Variants in CATSPERE observed in about 807,000 individuals in gnomAD.
CATSPERE encodes the protein cation channel sperm-associated auxiliary subunit epsilon.
Under a neutral mutation model 114.1 loss-of-function variants are expected in CATSPERE, and 93 were observed. The observed-to-expected ratio is 0.81, with a 90% confidence interval of 0.69 to 0.97. The LOEUF is 0.97. CATSPERE is among the 50% of genes least tolerant of loss of function. CATSPERE has a pLI of 0.00. For synonymous variants in CATSPERE, 341 were observed against 384.1 expected (o/e 0.89, Z 1.31); for missense variants, 1,058 against 1,131.6 (o/e 0.93, Z 0.93).
chr1:244,584,099 T>G (rs1350865914), intron 13 of CATSPERE, among the ~76,000 whole-genome samples, 160 bp downstream of exon 13: 1 of 152,178 alleles, frequency 6.6e-6, no homozygotes, highest in African/African-American at 2.4e-5. Flanking sequence ...AAGTTCCATA[T>G]TTATTCTGCA....
At position 244,475,101 on chromosome 1, in the gene CATSPERE, C is replaced by T. The variant is rs192440615; in HGVS notation, c.115-2440C>T. On this transcript the variant is annotated intron_variant, in intron 2 of 21. Coordinates refer to ENST00000366534, the MANE Select transcript of CATSPERE (RefSeq NM_001130957.2). ...CATCCCCAAAGCCCCTTCCCAATGC[C>T]CTTTCATTTGTTTTATAAATTTCTA... is the stretch of plus-strand genomic sequence containing the variant. Among the ~76,000 whole-genome samples the T allele has an allele frequency of 2.6e-3, 399 of 151,972 alleles. 5 individuals are homozygous for T. Among genetic ancestry groups the T allele is most frequent in the Non-Finnish European group, 6.0e-4 (41 of 67,966 alleles).
intron 5 of CATSPERE, among the ~76,000 whole-genome samples, chr1:244,487,179 T>G (rs1671225990): frequency 6.6e-6 from 1 of 151,348 alleles, no homozygotes; most frequent in South Asian, 2.1e-4. Context: ...AGTCACCTGG[T>G]GGGTGGTTCA....
intron 19 of CATSPERE, among the ~76,000 whole-genome samples, chr1:244,615,575 G>A (rs751213181): frequency 1.3e-5 from 2 of 151,492 alleles, no homozygotes; most frequent in Admixed American, 6.6e-5. Flanking sequence ...AGTGAATAAC[G>A]TAAGGAAATG....
chr1:244,552,047 G>A (rs1372604080), intron 8 of CATSPERE, among the ~76,000 whole-genome samples: 1 of 112,810 alleles, frequency 8.9e-6, no homozygotes, highest in Non-Finnish European at 1.7e-5. Flanking sequence ...CTGGGCGACA[G>A]AGAGACACTC....
chr1:244,499,362 T>C (rs1163899375), intron 7 of CATSPERE, among the ~76,000 whole-genome samples: 2 of 152,166 alleles, frequency 1.3e-5, no homozygotes, highest in Non-Finnish European at 2.9e-5. Context: ...TTCAGAGATA[T>C]ATGTACAGAA....
intron 7 of CATSPERE, among the ~76,000 whole-genome samples, chr1:244,516,807 G>A (rs778955829): frequency 6.6e-6 from 1 of 152,068 alleles, no homozygotes; most frequent in Non-Finnish European, 1.5e-5. Flanking sequence ...CAGGCATTGA[G>A]CCACTGCACC....
Position 244,575,033 on chromosome 1 carries a change from C to A in CATSPERE, c.1950+2261C>A, listed in dbSNP as rs770010972. ...GCTCACTTATTCTCTCCCTCTATCTCTCTCTCTCATTTGCGCTGTCTCCCT... is the reference window on the plus strand; with the variant it reads ...GCTCACTTATTCTCTCCCTCTATCTATCTCTCTCATTTGCGCTGTCTCCCT... On this transcript the variant is annotated intron_variant, in intron 11 of 21. Transcript: ENST00000366534. The surrounding 1 kb of genome is among the most constrained non-coding windows in gnomAD (Gnocchi z 4.5). 6.6e-6 allele frequency among the ~76,000 whole-genome samples: 1 copy of A among 150,970 alleles called. No homozygotes were observed. Among genetic ancestry groups the A allele is most frequent in the Non-Finnish European group, 1.5e-5 (1 of 67,726 alleles).
At chr1:244,538,608 A>G (rs1182027806) in intron 8 of CATSPERE, among the ~76,000 whole-genome samples, 2 of 152,196 alleles carry the variant, frequency 1.3e-5, no homozygotes, top group Admixed American at 6.5e-5. Context: ...AAGAAAAGCC[A>G]TATTCAAAGG....
chr1:244,534,387 C>G (rs1042492204), intron 8 of CATSPERE, among the ~76,000 whole-genome samples: 18 of 152,028 alleles, frequency 1.2e-4, no homozygotes, highest in Admixed American at 1.2e-3. Context: ...TCTTTTAGGC[C>G]CATAACTCTT....
chr1:244,639,842 A>G, intron 21 of CATSPERE, 86 bp from the exon 22 acceptor site: 1 of 1,204,632 alleles, frequency 8.3e-7, no homozygotes, highest in South Asian at 1.4e-5. Flanking sequence ...CATAGTAGCT[A>G]GCTATTCAAA....
At chr1:244,591,613 A>G in intron 14 of CATSPERE, 68 bp from the exon 15 acceptor site, 1 of 906,160 alleles carries the variant, frequency 1.1e-6, no homozygotes, top group Non-Finnish European at 1.7e-6. Context: ...ACTGAGTTAA[A>G]TGATTAAATG....
At chr1:244,453,526 C>G (rs1665822795), upstream of CATSPERE, among the ~76,000 whole-genome samples, 1 of 152,172 alleles carries the variant, frequency 6.6e-6, no homozygotes, top group African/African-American at 2.4e-5. Context: ...TCTGGCATTG[C>G]CTTTGTGGCT....
chr1:244,486,940 TG>T (rs1205588904), intron 5 of CATSPERE, among the ~76,000 whole-genome samples: 1 of 146,062 alleles, frequency 6.8e-6, no homozygotes, highest in African/African-American at 2.6e-5. Context: ...CGTAGTCACC[TG>T]GTGGGTGGTC....
At chr1:244,454,370 G>GC (rs1371378300), upstream of CATSPERE, 7 of 152,152 alleles carry the variant, frequency 4.6e-5, no homozygotes, top group Admixed American at 4.6e-4. Context: ...TGTGTGTTTT[G>GC]TTATGTGTGT....
At chr1:244,602,576 G>A (rs761347347) in intron 17 of CATSPERE, among the ~76,000 whole-genome samples, 1 of 152,198 alleles carries the variant, frequency 6.6e-6, no homozygotes, top group Non-Finnish European at 1.5e-5. Context: ...AGCCCTGGGA[G>A]TGTGATCTAG....
chr1:244,463,772 A>T, intron 1 of CATSPERE, 136 bp from the exon 2 acceptor site: 1 of 726,316 alleles, frequency 1.4e-6, no homozygotes, highest in Admixed American at 2.1e-5. Flanking sequence ...TTTAGCCCTG[A>T]GTTGCTGTCA....
At chr1:244,578,823 CATATAT>C (rs10695652) in intron 11 of CATSPERE, among the ~76,000 whole-genome samples, 86 of 133,008 alleles carry the variant, frequency 6.5e-4, no homozygotes, top group African/African-American at 2.1e-3. Context: ...GGTGCATATA[CATATAT>C]ATATATATAT....
intron 7 of CATSPERE, among the ~76,000 whole-genome samples, chr1:244,505,369 G>C (rs1674672722): frequency 1.3e-5 from 2 of 152,118 alleles, no homozygotes; most frequent in Admixed American, 1.3e-4. Context: ...TGTGCTTTTT[G>C]ATGTTTGGTT....
rs113797840 is a variant in CATSPERE, at chr1:244,517,773, C to CAA, written c.430-806_430-805dup. Among the ~76,000 whole-genome samples, 353 of 140,908 alleles carry CAA rather than the reference C, an allele frequency of 2.5e-3. 5 individuals carry two copies. Among genetic ancestry groups the CAA allele is most frequent in the African/African-American group, 7.7e-3 (295 of 38,418 alleles). The allele number at this position is 140,908 out of a possible 152,430, so 92.4% of individuals were successfully genotyped here. ...GGGCAACACAGCAAAACTCTTGTCTCAAAAAAAAAAAAAATCATCAAATGA... is the reference window on the plus strand; with the variant it reads ...GGGCAACACAGCAAAACTCTTGTCTCAAAAAAAAAAAAAAAATCATCAAATGA... On this transcript the variant is annotated intron_variant, in intron 7 of 21. Transcript: ENST00000366534.
Sources: allele counts gnomAD v4.1 joint callset (sites outside exome capture counted in the v4.1 genomes callset), GRCh38; gene constraint gnomAD v4.1.1; non-coding constraint Gnocchi (gnomAD v3.1); transcripts MANE v1.5; gene names NCBI Gene and HGNC (gene_info 2026-07-23, HGNC 2026-07-21).